The following NAA25 variants were observed in gnomAD, a reference collection of about 807,000 sequenced individuals.
NAA25 encodes the protein N-terminal acetyltransferase B complex subunit NAA25.
NAA25 carries 30 observed loss-of-function variants against 132.5 expected under a neutral mutation model. That is an observed-to-expected ratio of 0.23 (90% CI 0.17 to 0.31). NAA25 has a LOEUF of 0.31. Ranked by LOEUF, NAA25 falls within the 10% of genes least tolerant of loss-of-function variation. NAA25 has a pLI of 1.00. For missense variants in NAA25, 771 were observed against 1,150.4 expected (o/e 0.67, Z 4.77); for synonymous variants, 359 against 401.9 (o/e 0.89, Z 1.28).
chr12:112,034,811 CAA>C (rs34408046), intron 22 of NAA25: 10 of 67,458 alleles, frequency 1.5e-4, no homozygotes, highest in Admixed American at 1.4e-4. Context: ...GACTCTGTCT[CAA>C]AAAAAAAAAA....
chr12:112,105,928 TGG>T (rs1297419853), intron 1 of NAA25, among the ~76,000 whole-genome samples: 2 of 152,238 alleles, frequency 1.3e-5, no homozygotes, highest in African/African-American at 4.8e-5. Flanking sequence ...GTTGAATTTT[TGG>T]CTGGTGGGCA....
At chr12:112,087,931 A>C in intron 3 of NAA25, 130 bp from the exon 4 acceptor site, 2 of 629,094 alleles carry the variant, frequency 3.2e-6, no homozygotes, top group Non-Finnish European at 2.8e-6. Context: ...GCCTCATCCA[A>C]TCATCATTCA....
chr12:112,084,990 G>A (rs1006102818), intron 4 of NAA25, among the ~76,000 whole-genome samples: 1 of 152,028 alleles, frequency 6.6e-6, no homozygotes, highest in African/African-American at 2.4e-5. Context: ...CCAGCACTTT[G>A]GGAGGCTGAG....
chr12:112,089,780 G>A (rs1475361035), intron 3 of NAA25, among the ~76,000 whole-genome samples: 2 of 151,906 alleles, frequency 1.3e-5, no homozygotes, highest in African/African-American at 4.8e-5. Flanking sequence ...GATCACTTGA[G>A]GTAAGGAGTT....
chr12:112,039,517 A>G, intron 21 of NAA25, 178 bp from the exon 22 acceptor site: 1 of 496,002 alleles, frequency 2.0e-6, no homozygotes, highest in Non-Finnish European at 3.6e-6. Flanking sequence ...GGCCTTCATC[A>G]TCTCCTGCTC....
intron 1 of NAA25, chr12:112,097,451 C>CA: frequency 6.6e-6 from 1 of 151,618 alleles, no homozygotes. Context: ...ACTAAAAATA[C>CA]AAAAAATTAG....
chr12:112,036,408 A>G (rs754453688), intron 22 of NAA25, among the ~76,000 whole-genome samples: 1 of 152,198 alleles, frequency 6.6e-6, no homozygotes, highest in Non-Finnish European at 1.5e-5. Flanking sequence ...TTACTGTGAA[A>G]CAACAAATAA....
intron 15 of NAA25, among the ~76,000 whole-genome samples, chr12:112,050,456 T>TA: frequency 6.6e-6 from 1 of 152,122 alleles, no homozygotes; most frequent in East Asian, 1.9e-4. Context: ...TATATGGACA[T>TA]AAAACCCCTG....
intron 8 of NAA25, among the ~76,000 whole-genome samples, chr12:112,074,993 C>G (rs188958922): frequency 4.6e-4 from 70 of 152,064 alleles, no homozygotes; most frequent in Admixed American, 4.6e-3. Flanking sequence ...AATAAAATGA[C>G]CAGGTCTAGA....
chr12:112,083,855 C>T (rs966644459), intron 4 of NAA25, among the ~76,000 whole-genome samples: 8 of 151,876 alleles, frequency 5.3e-5, no homozygotes, highest in African/African-American at 1.9e-4. Context: ...GGAAACATAG[C>T]GAAATCCCAA....
At chr12:112,030,210 C>CAAAAAAAAAAAAAAAAAA in intron 23 of NAA25, among the ~76,000 whole-genome samples, 1 of 53,378 alleles carries the variant, frequency 1.9e-5, no homozygotes, top group Non-Finnish European at 3.3e-5. Context: ...AAAGCTGTCT[C>CAAAAAAAAAAAAAAAAAA]AAAAAAAAAA....
intron 1 of NAA25, among the ~76,000 whole-genome samples, chr12:112,101,769 A>C (rs1384327997): frequency 1.3e-5 from 2 of 148,954 alleles, no homozygotes; most frequent in African/African-American, 2.5e-5. Context: ...AAAATCTATC[A>C]AAAAAAAAAG....
chr12:112,056,964 C>T (rs543288432), intron 13 of NAA25, among the ~76,000 whole-genome samples: 158 of 151,862 alleles, frequency 1.0e-3, no homozygotes, highest in African/African-American at 3.6e-3. Flanking sequence ...CTGAGGCGGG[C>T]GGATCACGAG....
chr12:112,104,127 C>T (rs905110732), intron 1 of NAA25, among the ~76,000 whole-genome samples: 2 of 152,112 alleles, frequency 1.3e-5, no homozygotes, highest in Admixed American at 1.3e-4. Context: ...GACTGTCACC[C>T]GGGAGACACA....
chr12:112,099,444 T>C (rs555205858), intron 1 of NAA25, among the ~76,000 whole-genome samples: 1 of 152,194 alleles, frequency 6.6e-6, no homozygotes, highest in South Asian at 2.1e-4. Context: ...ATAATATAAT[T>C]ATAAAATAAA....
intron 7 of NAA25, among the ~76,000 whole-genome samples, chr12:112,076,295 A>G (rs1199433487): frequency 6.6e-6 from 1 of 152,226 alleles, no homozygotes; most frequent in Non-Finnish European, 1.5e-5. Flanking sequence ...TACATTACTG[A>G]CAGTAAATTT....
intron 1 of NAA25, among the ~76,000 whole-genome samples, chr12:112,095,901 A>G (rs1305339051): frequency 6.6e-6 from 1 of 152,200 alleles, no homozygotes; most frequent in Admixed American, 6.5e-5. Flanking sequence ...GTAATGGTGG[A>G]TATAGGTCTT....
At chr12:112,080,468 T>A (rs1333832885) in intron 5 of NAA25, among the ~76,000 whole-genome samples, 1 of 151,810 alleles carries the variant, frequency 6.6e-6, no homozygotes, top group Non-Finnish European at 1.5e-5. Flanking sequence ...GGCCAGGAGT[T>A]CAAGACCAGC....
At chr12:112,096,493 A>T (rs2079214598) in intron 1 of NAA25, among the ~76,000 whole-genome samples, 1 of 152,150 alleles carries the variant, frequency 6.6e-6, no homozygotes, top group South Asian at 2.1e-4. Flanking sequence ...CAATGCACTT[A>T]ATGCACTTAA....
Sources: gnomAD v4.1 joint callset for allele counts (sites outside exome capture counted in the v4.1 genomes callset) on GRCh38, gnomAD v4.1.1 for gene constraint, MANE v1.5 for transcripts, NCBI Gene and HGNC (gene_info 2026-07-23, HGNC 2026-07-21) for gene names.